Variants in CSNK1D observed in about 807,000 individuals in gnomAD.
The protein encoded by CSNK1D is casein kinase I isoform delta.
CSNK1D carries 16 observed loss-of-function variants against 46.6 expected under a neutral mutation model. The observed-to-expected ratio is 0.34, with a 90% CI of 0.23 to 0.52. CSNK1D has a LOEUF of 0.52. CSNK1D is among the 20% of genes least tolerant of loss of function. CSNK1D has a pLI of 0.95. For missense variants in CSNK1D, 398 were observed against 578.4 expected, an observed-to-expected ratio of 0.69 and a Z score of 3.20; for synonymous variants, 276 against 228.2, an observed-to-expected ratio of 1.21 and a Z score of -1.89.
At chr17:82,253,515 C>T (rs1049583989) in intron 3 of CSNK1D, 18 of 467,024 alleles carry the variant, frequency 3.9e-5, no homozygotes, top group African/African-American at 1.2e-4. Context: ...GGGGACAACC[C>T]GCCACTAGAC....
intron 8 of CSNK1D, chr17:82,247,727 A>G (rs1167945624): frequency 1.0e-6 from 1 of 985,414 alleles, no homozygotes; most frequent in Non-Finnish European, 1.2e-6. Flanking sequence ...GTGTGCACGT[A>G]AGGGACCCAT....
In CSNK1D at chr17:82,243,848, C is replaced by T. The variant is rs189133252; in HGVS notation, c.*933G>A. On this transcript the variant is annotated 3_prime_UTR_variant, in exon 9 of 9. Transcript: ENST00000314028. ...TAACCACCTCTCGGTTCACAGTCCT[C>T]TCCCAAGGGACCAGAAACGCATCTT... 13 of 985,678 alleles carry T rather than the reference C, an allele frequency of 1.3e-5. No homozygotes were observed. In the East Asian group the frequency reaches 1.5e-3, roughly 112 times the overall value. The allele number at this position is 985,678 out of a possible 1,614,324, so 61.1% of individuals were successfully genotyped here.
At chr17:82,245,141 C>G (rs1371740015) in intron 8 of CSNK1D, 3 of 557,064 alleles carry the variant, frequency 5.4e-6, no homozygotes, top group Non-Finnish European at 9.7e-6. Context: ...TGGAAAGGAA[C>G]CTGGTGTTTG....
In CSNK1D at chr17:82,243,274, T is replaced by G; in HGVS notation, c.*1507A>C. On this transcript the variant is annotated 3_prime_UTR_variant, in exon 9 of 9. Transcript: ENST00000314028. ...TGGGGAGGAGAAGGGAGAACCAAGG[T>G]GCACACCTTCGAAGCCCTAGAGTCC... 5.1e-6 allele frequency: 5 copies of G among 985,390 alleles called. No individual in the cohort carries two copies. Among genetic ancestry groups the G allele is most frequent in the Non-Finnish European group, 6.0e-6 (5 of 829,942 alleles). 61.0% of individuals were successfully genotyped at this position (985,390 alleles called of 1,614,324 possible).
rs1599589659 is a variant in CSNK1D at position 82,252,665 on chromosome 17, A to C, written c.566-61T>G. The C allele has an allele frequency of 6.4e-7, 1 of 1,551,578 alleles. No individual in the cohort carries two copies. On this transcript the variant is annotated intron_variant, in intron 4 of 8. Transcript: ENST00000314028. The surrounding 1 kb of genome is among the most constrained non-coding windows in gnomAD (Gnocchi z 4.6). ...TTGCGTGCTCACGTCAAAGCAAAAG[A>C]CCCGGCTGGCCGTTCCAGTGGAGAC... is the stretch of plus-strand genomic sequence containing the variant.
At position 82,255,785 on chromosome 17, in the gene CSNK1D, G is replaced by C. The variant is rs1000324183; in HGVS notation, c.188-208C>G. 3.3e-5 allele frequency among the ~76,000 whole-genome samples: 5 copies of C among 152,222 alleles called. No individual in the cohort carries two copies. The highest frequency in any genetic ancestry group is 1.2e-4 in the African/African-American group (5 of 41,456). ...TAGCAAATGGCCTGAGGCAGACGTT[G>C]GATGAGGGCCAAGCAGACAGGAGCT... On this transcript the variant is annotated intron_variant, in intron 2 of 8. Transcript: ENST00000314028. This position sits in a 1 kb window ranked among gnomAD's most constrained non-coding sequence, Gnocchi z 5.9.
chr17:82,262,790 C>T (rs948119852), intron 2 of CSNK1D, among the ~76,000 whole-genome samples: 1 of 152,242 alleles, frequency 6.6e-6, no homozygotes, highest in Non-Finnish European at 1.5e-5. Flanking sequence ...GTCAACTCCC[C>T]GGTTTAGTCT....
Position 82,255,289 on chromosome 17 carries a change from T to C in CSNK1D, c.336+140A>G, listed in dbSNP as rs2051149059. On this transcript the variant is annotated intron_variant, in intron 3 of 8. Transcript: ENST00000314028. This position sits in a 1 kb window ranked among gnomAD's most constrained non-coding sequence, Gnocchi z 5.9. ...TCGAGAAGCCAGTGAGCTGAGCCAC[T>C]GCAGCCTCAAGGCTGAGGCTCAGCA... is the stretch of plus-strand genomic sequence containing the variant. The C allele has an allele frequency of 9.8e-7, 1 of 1,023,212 alleles. No individual in the cohort carries two copies. The highest frequency in any genetic ancestry group is 1.9e-5 in the Admixed American group (1 of 52,040). The allele number at this position is 1,023,212 out of a possible 1,614,324, so 63.4% of individuals were successfully genotyped here.
At chr17:82,272,804 A>C (rs1367834934) in intron 1 of CSNK1D, among the ~76,000 whole-genome samples, 2 of 152,218 alleles carry the variant, frequency 1.3e-5, no homozygotes, top group African/African-American at 2.4e-5. Flanking sequence ...TGCGGAAGAA[A>C]GAGCGTGGCC....
chr17:82,261,626 A>G (rs2051341944), intron 2 of CSNK1D, among the ~76,000 whole-genome samples: 1 of 152,198 alleles, frequency 6.6e-6, no homozygotes. Flanking sequence ...TAGGATGACA[A>G]AGCAACAAAA....
At chr17:82,240,568 G>A (rs2050728862), downstream of CSNK1D, among the ~76,000 whole-genome samples, 1 of 152,154 alleles carries the variant, frequency 6.6e-6, no homozygotes, top group African/African-American at 2.4e-5. Context: ...CTGTTTCCAG[G>A]TATCTCGGGC....
In CSNK1D at chr17:82,250,165, A is replaced by G; in HGVS notation, c.886-563T>C. The G allele has an allele frequency of 7.8e-7, 1 of 1,290,008 alleles. No individual in the cohort carries two copies. The highest frequency in any genetic ancestry group is 1.5e-5 in the African/African-American group (1 of 65,984). The allele number at this position is 1,290,008 out of a possible 1,614,324, so 79.9% of individuals were successfully genotyped here. A position where few individuals can be genotyped will look rare whatever the true frequency, so the allele number is the denominator to read the frequency against. On this transcript the variant is annotated intron_variant, in intron 6 of 8. Transcript: ENST00000314028. The surrounding 1 kb of genome is among the most constrained non-coding windows in gnomAD (Gnocchi z 4.6). ...ACGGGGGTGGGGAGGTCAGATTTTA[A>G]GCCGAGACAGCAACCTATGAAAAAG...
intron 8 of CSNK1D, chr17:82,247,308 C>G (rs2050875442): frequency 1.0e-6 from 1 of 985,448 alleles, no homozygotes; most frequent in East Asian, 1.1e-4. Flanking sequence ...GTGGCTACAA[C>G]AGCCACACCC....
At chr17:82,240,214 C>T (rs1053613943), downstream of CSNK1D, 20 of 478,944 alleles carry the variant, frequency 4.2e-5, no homozygotes, top group African/African-American at 2.4e-4. Context: ...CTCAGGCTGG[C>T]GGGCAGTGCC....
At chr17:82,271,818 G>A (rs1173472973) in intron 1 of CSNK1D, among the ~76,000 whole-genome samples, 1 of 152,200 alleles carries the variant, frequency 6.6e-6, no homozygotes, top group African/African-American at 2.4e-5. Flanking sequence ...CATCTAAAAG[G>A]TATGACCAGA....
At chr17:82,271,609 C>T (rs1051313034) in intron 1 of CSNK1D, among the ~76,000 whole-genome samples, 1 of 152,194 alleles carries the variant, frequency 6.6e-6, no homozygotes, top group Non-Finnish European at 1.5e-5. Flanking sequence ...CTCAGCAGTC[C>T]ACTAAGGCAT....
rs1184833645 is a variant in CSNK1D, at chr17:82,246,427, C to A, written c.1198-1596G>T. The A allele has an allele frequency of 2.5e-6, 3 of 1,193,178 alleles. No homozygotes were observed. In the Admixed American group the frequency reaches 1.1e-4, roughly 44 times the overall value. The allele number at this position is 1,193,178 out of a possible 1,614,324, so 73.9% of individuals were successfully genotyped here. A position where few individuals can be genotyped will look rare whatever the true frequency, so the allele number is the denominator to read the frequency against. ...CGCCGGTACGACGACAGGGCTCAGGCCTAGTCCTGGGCAGGAGTTGATCAA... is the reference window on the plus strand; with the variant it reads ...CGCCGGTACGACGACAGGGCTCAGGACTAGTCCTGGGCAGGAGTTGATCAA... On this transcript the variant is annotated intron_variant, in intron 8 of 8. Coordinates refer to ENST00000314028, the MANE Select transcript of CSNK1D (RefSeq NM_001893.6).
downstream of CSNK1D, among the ~76,000 whole-genome samples, chr17:82,241,926 T>TA (rs202072647): frequency 0.011 from 1,721 of 152,288 alleles, 21 homozygotes; most frequent in Non-Finnish European, 0.017. Context: ...ACACCGTTCT[T>TA]AGAGCAACCT....
In CSNK1D at chr17:82,255,716, C is replaced by G; in HGVS notation, c.188-139G>C. 9.5e-7 allele frequency: 1 copy of G among 1,054,024 alleles called. No individual in the cohort carries two copies. The highest frequency in any genetic ancestry group is 2.4e-5 in the East Asian group (1 of 40,974). The allele number at this position is 1,054,024 out of a possible 1,614,324, so 65.3% of individuals were successfully genotyped here. On this transcript the variant is annotated intron_variant, in intron 2 of 8. Coordinates refer to ENST00000314028, the MANE Select transcript of CSNK1D (RefSeq NM_001893.6). This position sits in a 1 kb window ranked among gnomAD's most constrained non-coding sequence, Gnocchi z 5.9. ...TGGTGGAGGTAGAAGACCCCGGCAA[C>G]GCCGCTCCTCAGGGACCCATCCTCG...
Sources: gnomAD v4.1 joint callset for allele counts (sites outside exome capture counted in the v4.1 genomes callset) on GRCh38, gnomAD v4.1.1 for gene constraint, Gnocchi (gnomAD v3.1) non-coding constraint, MANE v1.5 for transcripts, NCBI Gene and HGNC (gene_info 2026-07-23, HGNC 2026-07-21) for gene names.